The following TRPM3 variants were observed in gnomAD, a reference collection of about 807,000 sequenced individuals.
TRPM3 encodes transient receptor potential cation channel subfamily M member 3.
In TRPM3, 77 loss-of-function variants were observed where a neutral mutation model predicts 181.2. The observed-to-expected ratio is 0.42, with a 90% confidence interval of 0.35 to 0.51. The LOEUF is 0.51. Ranked by LOEUF, TRPM3 falls within the 20% of genes least tolerant of loss-of-function variation. The probability of loss-of-function intolerance (pLI) is 0.01; values close to 1 mark genes in which losing one functional copy is unlikely to be tolerated. For synonymous variants in TRPM3, 745 were observed against 796.4 expected (o/e 0.94, Z 1.09); for missense variants, 1,759 against 2,196.7 (o/e 0.80, Z 3.98).
intron 1 of TRPM3, among the ~76,000 whole-genome samples, chr9:70,923,899 T>TAC (rs34418854): frequency 6.8e-6 from 1 of 147,658 alleles, no homozygotes; most frequent in Non-Finnish European, 1.5e-5. Context: ...CATATATACA[T>TAC]ACACACACAC....
intron 1 of TRPM3, among the ~76,000 whole-genome samples, chr9:71,288,023 T>C (rs377619001): frequency 1.3e-5 from 2 of 152,124 alleles, no homozygotes; most frequent in East Asian, 1.9e-4. Flanking sequence ...CAATTTAGAA[T>C]TGGACTCAGT....
intron 1 of TRPM3, among the ~76,000 whole-genome samples, chr9:71,224,009 T>A (rs2080413432): frequency 6.6e-6 from 1 of 152,196 alleles, no homozygotes; most frequent in Admixed American, 6.5e-5. Context: ...CTTCACCACC[T>A]GCTAATTGCA....
At chr9:71,122,581 G>A (rs1244190191), upstream of TRPM3, among the ~76,000 whole-genome samples, 1 of 152,112 alleles carries the variant, frequency 6.6e-6, no homozygotes, top group Non-Finnish European at 1.5e-5. Flanking sequence ...TGAAGAGATT[G>A]GTAAATCCCA....
At chr9:71,342,419 T>C (rs1263093297) in intron 1 of TRPM3, among the ~76,000 whole-genome samples, 1 of 151,504 alleles carries the variant, frequency 6.6e-6, no homozygotes, top group African/African-American at 2.4e-5. Flanking sequence ...TATGATATTA[T>C]ATGATAAATA....
At chr9:70,861,930 T>C (rs1346502174) in intron 3 of TRPM3, among the ~76,000 whole-genome samples, 1 of 3,700 alleles carries the variant, frequency 2.7e-4, no homozygotes, top group Non-Finnish European at 4.8e-4. Flanking sequence ...ATTACTGCAG[T>C]GGCGGGGGTG....
At chr9:71,070,786 C>G (rs1358030817) in intron 1 of TRPM3, among the ~76,000 whole-genome samples, 4 of 152,170 alleles carry the variant, frequency 2.6e-5, no homozygotes, top group African/African-American at 7.2e-5. Context: ...GAACAGAAAT[C>G]TAATTTTTCT....
At chr9:71,401,286 C>T (rs1011309009) in intron 1 of TRPM3, among the ~76,000 whole-genome samples, 4 of 150,484 alleles carry the variant, frequency 2.7e-5, no homozygotes, top group Admixed American at 6.6e-5. Flanking sequence ...AACAAACACA[C>T]GTGGGGTGGA....
chr9:71,402,400 T>G (rs554823982), intron 1 of TRPM3, among the ~76,000 whole-genome samples: 31 of 152,292 alleles, frequency 2.0e-4, no homozygotes, highest in Admixed American at 1.1e-3. Context: ...TTCTTTGGGT[T>G]TTGGTAACCC....
chr9:70,814,649 T>C (rs1292135511), intron 6 of TRPM3, among the ~76,000 whole-genome samples: 1 of 152,196 alleles, frequency 6.6e-6, no homozygotes, highest in African/African-American at 2.4e-5. Flanking sequence ...GCCTCTCTTA[T>C]GTTTCCTGAC....
At chr9:71,316,774 C>T (rs781531340) in intron 1 of TRPM3, among the ~76,000 whole-genome samples, 53 of 152,226 alleles carry the variant, frequency 3.5e-4, no homozygotes, top group Non-Finnish European at 6.0e-4. Flanking sequence ...TAAGGTAATA[C>T]ATTTTTATTG....
chr9:70,895,188 C>T (rs555193908), intron 1 of TRPM3, among the ~76,000 whole-genome samples: 7 of 152,238 alleles, frequency 4.6e-5, no homozygotes, highest in African/African-American at 1.4e-4. Context: ...AAACAGGCAG[C>T]GCTGCATTTT....
At chr9:70,921,942 A>ACACACACACACACAC (rs1554770509) in intron 1 of TRPM3, among the ~76,000 whole-genome samples, 11 of 139,498 alleles carry the variant, frequency 7.9e-5, no homozygotes, top group African/African-American at 1.9e-4. Flanking sequence ...CACACAAACA[A>ACACACACACACACAC]ACACACACAC....
chr9:71,381,123 T>C (rs990539019), intron 1 of TRPM3, among the ~76,000 whole-genome samples: 3 of 151,922 alleles, frequency 2.0e-5, no homozygotes, highest in African/African-American at 7.3e-5. Context: ...CTGCATGCAA[T>C]GATACCAAAC....
At chr9:70,654,533 G>C (rs979192847) in intron 9 of TRPM3, among the ~76,000 whole-genome samples, 1 of 152,080 alleles carries the variant, frequency 6.6e-6, no homozygotes. Flanking sequence ...GTGACACACT[G>C]TGGAGTCCTG....
chr9:70,663,274 C>G (rs1413282080), intron 9 of TRPM3, among the ~76,000 whole-genome samples: 1 of 152,082 alleles, frequency 6.6e-6, no homozygotes, highest in Non-Finnish European at 1.5e-5. Flanking sequence ...TAAAAGACTA[C>G]ATATTGGATA....
Position 70,934,339 on chromosome 9 carries a change from T to G in TRPM3, c.178-69828A>C, listed in dbSNP as rs541123385. On this transcript the variant is annotated intron_variant, in intron 1 of 25. Transcript: ENST00000677713. ...TCATTCTGTGATATGGGAAGGTCAGTCTGATGATGCCACAGGAGAGATTTT... is the reference window on the plus strand; with the variant it reads ...TCATTCTGTGATATGGGAAGGTCAGGCTGATGATGCCACAGGAGAGATTTT... Among the ~76,000 whole-genome samples the G allele has an allele frequency of 5.9e-5, 9 of 152,248 alleles. No homozygotes were observed. The East Asian group carries it at 1.7e-3, about 29-fold the overall frequency.
intron 1 of TRPM3, among the ~76,000 whole-genome samples, chr9:71,202,882 G>A (rs1403484153): frequency 1.3e-5 from 2 of 152,182 alleles, no homozygotes; most frequent in East Asian, 3.9e-4. Flanking sequence ...TTACAATAGT[G>A]TCTGCTCTCT....
At chr9:70,639,420 T>G (rs1198844972) in intron 10 of TRPM3, among the ~76,000 whole-genome samples, 1 of 152,200 alleles carries the variant, frequency 6.6e-6, no homozygotes, top group Admixed American at 6.5e-5. Flanking sequence ...GCATTTCTAG[T>G]TCCAAAAACT....
At chr9:71,200,158 T>C (rs1013737543) in intron 1 of TRPM3, among the ~76,000 whole-genome samples, 15 of 152,132 alleles carry the variant, frequency 9.9e-5, no homozygotes, top group African/African-American at 3.4e-4. Flanking sequence ...AGGAGGTTGT[T>C]CAGTTTCCAT....
Sources: allele counts gnomAD v4.1 joint callset (sites outside exome capture counted in the v4.1 genomes callset), GRCh38; gene constraint gnomAD v4.1.1; transcripts MANE v1.5; gene names NCBI Gene and HGNC (gene_info 2026-07-23, HGNC 2026-07-21).